TLK2: variants seen among roughly 807,000 people sequenced by gnomAD.
The protein encoded by TLK2 is serine/threonine-protein kinase tousled-like 2.
TLK2 carries 6 observed loss-of-function variants against 117.3 expected under a neutral mutation model. That is an observed-to-expected ratio of 0.05 (90% CI 0.03 to 0.10). The LOEUF is 0.10. Among genes scored for constraint, TLK2 ranks in the 10% least tolerant of loss-of-function variants. TLK2 has a pLI of 1.00. For synonymous variants in TLK2, 257 were observed against 316.7 expected (o/e 0.81, Z 2.00); for missense variants, 299 against 901.2 (o/e 0.33, Z 8.56).
At chr17:62,477,405 A>G (rs1168142449), upstream of TLK2, 1 of 152,170 alleles carries the variant, frequency 6.6e-6, no homozygotes, top group Non-Finnish European at 1.5e-5. Context: ...GGTTTAATGA[A>G]GTTTTTCCAC....
At chr17:62,580,684 G>A (rs528759755) in intron 15 of TLK2, among the ~76,000 whole-genome samples, 85 of 152,252 alleles carry the variant, frequency 5.6e-4, no homozygotes, top group African/African-American at 2.0e-3. Flanking sequence ...TTGGGCTAGC[G>A]AAGTACAGGC....
upstream of TLK2, among the ~76,000 whole-genome samples, chr17:62,476,210 C>A (rs1353659280): frequency 2.6e-5 from 4 of 151,578 alleles, no homozygotes; most frequent in Non-Finnish European, 5.9e-5. Context: ...GAACTGCTGG[C>A]CTCAAGTGAT....
At chr17:62,601,370 A>G (rs2082862931) in intron 18 of TLK2, among the ~76,000 whole-genome samples, 1 of 152,112 alleles carries the variant, frequency 6.6e-6, no homozygotes, top group African/African-American at 2.4e-5. Flanking sequence ...TCTATAGACA[A>G]CTCTAACAGC....
At chr17:62,547,028 A>C (rs2430932) in intron 7 of TLK2, among the ~76,000 whole-genome samples, 142,316 of 152,198 alleles carry the variant, frequency 0.94, 67,281 homozygotes, top group East Asian at 1. Flanking sequence ...GCTACAGTAT[A>C]CTTTTGATCC....
chr17:62,508,537 A>G (rs1169354275), intron 2 of TLK2: 5 of 985,278 alleles, frequency 5.1e-6, no homozygotes, highest in South Asian at 4.7e-5. Flanking sequence ...AGGAGAGTAC[A>G]TCGGATATAA....
At chr17:62,558,053 A>G (rs1396279399) in intron 9 of TLK2, among the ~76,000 whole-genome samples, 1 of 152,180 alleles carries the variant, frequency 6.6e-6, no homozygotes, top group Non-Finnish European at 1.5e-5. Flanking sequence ...AGTGAGGGAA[A>G]GACTACATGT....
chr17:62,567,235 A>C lies in TLK2; in HGVS notation c.968+2098A>C, dbSNP rs143620834. ...GGGCGACAGAGCCAGACCCTGTCTC[A>C]TAACAAAACAAAACAAAAAGAAGTG... On this transcript the variant is annotated intron_variant, in intron 11 of 21. Coordinates refer to ENST00000346027, the MANE Select transcript of TLK2 (RefSeq NM_006852.6). Among the ~76,000 whole-genome samples the C allele has an allele frequency of 7.2e-5, 11 of 152,332 alleles. No individual in the cohort carries two copies. In the East Asian group the frequency reaches 2.1e-3, roughly 29 times the overall value.
At chr17:62,505,153 A>G (rs915423480) in intron 2 of TLK2, among the ~76,000 whole-genome samples, 1 of 152,104 alleles carries the variant, frequency 6.6e-6, no homozygotes, top group African/African-American at 2.4e-5. Flanking sequence ...ATTTTATTTT[A>G]AAAGTACGTC....
At chr17:62,609,586 A>T (rs916081335) in intron 21 of TLK2, among the ~76,000 whole-genome samples, 2 of 152,214 alleles carry the variant, frequency 1.3e-5, no homozygotes, top group Non-Finnish European at 2.9e-5. Context: ...TAAGTACTGC[A>T]TAACCAAGAA....
At chr17:62,516,030 T>G (rs1805910035) in intron 2 of TLK2, among the ~76,000 whole-genome samples, 1 of 152,076 alleles carries the variant, frequency 6.6e-6, no homozygotes, top group African/African-American at 2.4e-5. Context: ...GTTCAAGTGA[T>G]TCTCCTGCCT....
chr17:62,486,065 C>G (rs1024250126), intron 2 of TLK2, among the ~76,000 whole-genome samples: 8 of 151,936 alleles, frequency 5.3e-5, no homozygotes, highest in African/African-American at 1.9e-4. Context: ...CGTGATCTGC[C>G]CACCTTGGCC....
chr17:62,507,840 G>A (rs1016230286), intron 2 of TLK2, among the ~76,000 whole-genome samples: 1 of 151,810 alleles, frequency 6.6e-6, no homozygotes, highest in African/African-American at 2.4e-5. Context: ...CTCTAGGCTT[G>A]TAACTAAAGT....
chr17:62,574,388 T>G (rs2080585013), intron 12 of TLK2: 1 of 1,483,008 alleles, frequency 6.7e-7, no homozygotes, highest in Non-Finnish European at 9.2e-7. Context: ...AGCCCCAGCC[T>G]TAGGAGCCCA....
intron 16 of TLK2, among the ~76,000 whole-genome samples, chr17:62,595,940 ATAACCGTCCTTGTTATTT>A (rs2082448715): frequency 6.6e-6 from 1 of 152,178 alleles, no homozygotes; most frequent in Non-Finnish European, 1.5e-5. Flanking sequence ...AGGGGGGAAA[ATAACCGTCCTTGTTATTT>A]TAAAATCTAT....
At chr17:62,539,203 A>T (rs1413738896) in intron 7 of TLK2, among the ~76,000 whole-genome samples, 5 of 152,140 alleles carry the variant, frequency 3.3e-5, no homozygotes, top group Non-Finnish European at 7.4e-5. Context: ...TTACACAAAG[A>T]TATTTATTGA....
intron 18 of TLK2, among the ~76,000 whole-genome samples, chr17:62,601,103 C>T (rs2082842380): frequency 6.6e-6 from 1 of 152,144 alleles, no homozygotes; most frequent in Non-Finnish European, 1.5e-5. Context: ...GCAGCAAGTT[C>T]AGTTTTGTTT....
rs570889726 is a variant in TLK2 at position 62,567,670 on chromosome 17, CAT to C, written c.968+2534_968+2535del. ...ATTCTGCACATGAGAAACTCCAAGA[CAT>C]GTGAAGTAATTTGGTGGGTGAAGTA... On this transcript the variant is annotated intron_variant, in intron 11 of 21. Coordinates refer to ENST00000346027, the MANE Select transcript of TLK2 (RefSeq NM_006852.6). Among the ~76,000 whole-genome samples the C allele has an allele frequency of 1.9e-3, 296 of 152,298 alleles. 1 individual carries two copies. Among genetic ancestry groups the C allele is most frequent in the Non-Finnish European group, 3.0e-3 (204 of 68,032 alleles).
intron 20 of TLK2, among the ~76,000 whole-genome samples, chr17:62,607,723 G>T (rs189842404): frequency 1.2e-4 from 19 of 152,234 alleles, no homozygotes; most frequent in Middle Eastern, 3.4e-3. Context: ...AGCAGGTGAG[G>T]TTGCTGGGTC....
At chr17:62,540,629 C>A (rs1331628659) in intron 7 of TLK2, among the ~76,000 whole-genome samples, 7 of 149,488 alleles carry the variant, frequency 4.7e-5, no homozygotes, top group Admixed American at 4.7e-4. Flanking sequence ...GAACTCCTAA[C>A]CTCAGGTGAT....
Sources: gnomAD v4.1 joint callset for allele counts (sites outside exome capture counted in the v4.1 genomes callset) on GRCh38, gnomAD v4.1.1 for gene constraint, MANE v1.5 for transcripts, NCBI Gene and HGNC (gene_info 2026-07-23, HGNC 2026-07-21) for gene names.